Variants in XKR4 observed in about 807,000 individuals in gnomAD.
The protein encoded by XKR4 is XK-related protein 4.
XKR4 carries 12 observed loss-of-function variants against 53.9 expected under a neutral mutation model. The ratio of observed to expected loss-of-function variants is 0.22; its 90% CI spans 0.14 to 0.36. The LOEUF is 0.36. Among genes scored for constraint, XKR4 ranks in the 10% least tolerant of loss-of-function variants. The pLI is 1.00. For missense variants in XKR4, 799 were observed against 859.5 expected (o/e 0.93, Z 0.88); for synonymous variants, 354 against 362.4 (o/e 0.98, Z 0.26).
At chr8:55,194,598 G>A (rs1416053101) in intron 1 of XKR4, among the ~76,000 whole-genome samples, 2 of 152,198 alleles carry the variant, frequency 1.3e-5, no homozygotes, top group African/African-American at 4.8e-5. Context: ...GGATATGTGG[G>A]CTCAGACTTT....
At chr8:55,117,770 C>T (rs1334601376) in intron 1 of XKR4, among the ~76,000 whole-genome samples, 1 of 152,182 alleles carries the variant, frequency 6.6e-6, no homozygotes, top group Non-Finnish European at 1.5e-5. Context: ...ATCCAAGACT[C>T]ACCTGGAGAA....
chr8:55,165,674 G>A (rs1400724314), intron 1 of XKR4, among the ~76,000 whole-genome samples: 5 of 151,708 alleles, frequency 3.3e-5, no homozygotes, highest in East Asian at 3.9e-4. Context: ...GTGTGGTGGC[G>A]GGTGCCTGTA....
At chr8:55,290,953 C>G (rs565902904) in intron 1 of XKR4, among the ~76,000 whole-genome samples, 9 of 152,166 alleles carry the variant, frequency 5.9e-5, no homozygotes, top group African/African-American at 2.2e-4. Context: ...AAGAACTTTG[C>G]TCTAGATCTC....
chr8:55,328,583 G>T (rs1803329047), intron 1 of XKR4, among the ~76,000 whole-genome samples: 2 of 152,170 alleles, frequency 1.3e-5, no homozygotes, highest in South Asian at 4.1e-4. Context: ...TGTGTTTCCT[G>T]CAATCCAATC....
chr8:55,329,465 G>A (rs1351758072), intron 1 of XKR4, among the ~76,000 whole-genome samples: 1 of 150,030 alleles, frequency 6.7e-6, no homozygotes, highest in Non-Finnish European at 1.5e-5. Flanking sequence ...TTCTTCCAAT[G>A]TGGCCCAGGG....
intron 1 of XKR4, among the ~76,000 whole-genome samples, chr8:55,242,905 T>C (rs1585962282): frequency 6.6e-6 from 1 of 152,210 alleles, no homozygotes; most frequent in Non-Finnish European, 1.5e-5. Context: ...AGATAAATAA[T>C]GGCACATCTG....
chr8:55,335,455 A>G (rs1803446064), intron 1 of XKR4, among the ~76,000 whole-genome samples: 1 of 152,232 alleles, frequency 6.6e-6, no homozygotes, highest in Admixed American at 6.5e-5. Context: ...TTTTAACAAA[A>G]TATCATTTAA....
At chr8:55,209,718 A>C (rs1039070053) in intron 1 of XKR4, among the ~76,000 whole-genome samples, 1 of 152,194 alleles carries the variant, frequency 6.6e-6, no homozygotes, top group Non-Finnish European at 1.5e-5. Context: ...GGAGCTGCTC[A>C]TCTGCTCTGC....
At chr8:55,350,680 G>A (rs1015447459) in intron 1 of XKR4, among the ~76,000 whole-genome samples, 1 of 151,992 alleles carries the variant, frequency 6.6e-6, no homozygotes, top group African/African-American at 2.4e-5. Context: ...TGGGGAAGGA[G>A]GGGAATGGAG....
chr8:55,381,923 G>A (rs1804240118), intron 2 of XKR4, among the ~76,000 whole-genome samples: 1 of 152,224 alleles, frequency 6.6e-6, no homozygotes, highest in Non-Finnish European at 1.5e-5. Context: ...CTGAGATCCA[G>A]GAGGTTAAAT....
chr8:55,177,975 C>A (rs1030997823), intron 1 of XKR4, among the ~76,000 whole-genome samples: 2 of 152,128 alleles, frequency 1.3e-5, no homozygotes, highest in Admixed American at 6.6e-5. Flanking sequence ...CACCTCAGTG[C>A]CCTGTGGAGG....
intron 1 of XKR4, among the ~76,000 whole-genome samples, chr8:55,121,578 G>T (rs1256089664): frequency 2.6e-5 from 4 of 152,052 alleles, no homozygotes; most frequent in Non-Finnish European, 5.9e-5. Flanking sequence ...GTAAAAGATT[G>T]TATTTATTCT....
chr8:55,173,888 T>G (rs1426735347), intron 1 of XKR4, among the ~76,000 whole-genome samples: 1 of 152,212 alleles, frequency 6.6e-6, no homozygotes, highest in Non-Finnish European at 1.5e-5. Flanking sequence ...GTGTCATTCT[T>G]TCACAACTCA....
At position 55,532,368 on chromosome 8, in the gene XKR4, A is replaced by C. The variant is rs1806965829; in HGVS notation, c.*8141A>C. ...CTGATATAATATTTGCTAAGCAAAA[A>C]TCTTGTTTAACGAAAAAAATCAATA... On this transcript the variant is annotated 3_prime_UTR_variant, in exon 3 of 3. Transcript: ENST00000327381. The C allele has an allele frequency of 6.6e-6, 1 of 152,254 alleles. No homozygotes were observed. Among genetic ancestry groups the C allele is most frequent in the African/African-American group, 2.4e-5 (1 of 41,466 alleles). The allele number at this position is 152,254 out of a possible 1,614,324, so 9.4% of individuals were successfully genotyped here.
At chr8:55,185,011 T>C (rs548112066) in intron 1 of XKR4, among the ~76,000 whole-genome samples, 1 of 152,340 alleles carries the variant, frequency 6.6e-6, no homozygotes, top group East Asian at 1.9e-4. Flanking sequence ...TCTAACCTTA[T>C]ACCATTTGAG....
intron 2 of XKR4, among the ~76,000 whole-genome samples, chr8:55,358,319 G>A (rs1449571157): frequency 6.6e-6 from 1 of 150,536 alleles, no homozygotes; most frequent in Non-Finnish European, 1.5e-5. Flanking sequence ...TTGATGTTGA[G>A]AGAGAGAGAG....
rs201418423 is a variant in XKR4, at chr8:55,457,956, C to A, written c.1007-65325C>A. 2.6e-5 allele frequency among the ~76,000 whole-genome samples: 4 copies of A among 151,158 alleles called. No homozygotes were observed. The East Asian group carries it at 5.9e-4, about 22-fold the overall frequency. On this transcript the variant is annotated intron_variant, in intron 2 of 2. Coordinates refer to ENST00000327381, the MANE Select transcript of XKR4 (RefSeq NM_052898.2). ...TGAGGTAGAACTACACACAAAAAAA[C>A]CATAAAACGTTACTGTGAGAAATTT...
intron 1 of XKR4, among the ~76,000 whole-genome samples, chr8:55,219,628 T>C (rs1011925206): frequency 3.3e-5 from 5 of 152,184 alleles, no homozygotes; most frequent in African/African-American, 1.2e-4. Context: ...CCTCAAGTCT[T>C]GCAAACCAAC....
At chr8:55,281,513 C>A (rs538458279) in intron 1 of XKR4, among the ~76,000 whole-genome samples, 1 of 152,238 alleles carries the variant, frequency 6.6e-6, no homozygotes, top group African/African-American at 2.4e-5. Flanking sequence ...ATACTGATTT[C>A]AGATGAAAAA....
Sources: gnomAD v4.1 joint callset for allele counts (sites outside exome capture counted in the v4.1 genomes callset) on GRCh38, gnomAD v4.1.1 for gene constraint, MANE v1.5 for transcripts, NCBI Gene and HGNC (gene_info 2026-07-23, HGNC 2026-07-21) for gene names.